The following DCC variants were observed in gnomAD, a reference collection of about 807,000 sequenced individuals.
DCC encodes DCC netrin 1 receptor.
Under a neutral mutation model 172.5 loss-of-function variants are expected in DCC, and 58 were observed. That is an observed-to-expected ratio of 0.34 (90% CI 0.27 to 0.42). DCC has a LOEUF of 0.42. DCC is among the 10% of genes least tolerant of loss of function. The probability of loss-of-function intolerance (pLI) is 1.00; values close to 1 mark genes in which losing one functional copy is unlikely to be tolerated. For synonymous variants in DCC, 709 were observed against 644.5 expected (o/e 1.10, Z -1.52); for missense variants, 1,740 against 1,791.0 (o/e 0.97, Z 0.51).
At chr18:53,314,343 T>C (rs2057319867) in intron 13 of DCC, among the ~76,000 whole-genome samples, 1 of 152,228 alleles carries the variant, frequency 6.6e-6, no homozygotes, top group East Asian at 1.9e-4. Context: ...TTACCGAATT[T>C]AGAATCCAAA....
At chr18:53,279,699 G>C (rs2056847605) in intron 12 of DCC, among the ~76,000 whole-genome samples, 1 of 150,308 alleles carries the variant, frequency 6.7e-6, no homozygotes. Context: ...GCCCATCATT[G>C]GTAAACTGGA....
intron 7 of DCC, among the ~76,000 whole-genome samples, chr18:53,156,636 C>A (rs1338031954): frequency 6.6e-6 from 1 of 152,012 alleles, no homozygotes; most frequent in East Asian, 1.9e-4. Context: ...TAATAACTGC[C>A]CCCAACCTTG....
At chr18:52,779,368 T>C (rs1295513042) in intron 2 of DCC, among the ~76,000 whole-genome samples, 1 of 152,134 alleles carries the variant, frequency 6.6e-6, no homozygotes, top group Non-Finnish European at 1.5e-5. Context: ...TGTGTACTAA[T>C]TGTTCAACTC....
At chr18:53,075,367 C>T (rs1412809414) in intron 7 of DCC, among the ~76,000 whole-genome samples, 2 of 152,066 alleles carry the variant, frequency 1.3e-5, no homozygotes, top group African/African-American at 4.8e-5. Flanking sequence ...CAGCTCAGTG[C>T]TAATCAAGAG....
At chr18:52,518,166 A>G (rs1375356857) in intron 1 of DCC, among the ~76,000 whole-genome samples, 1 of 152,224 alleles carries the variant, frequency 6.6e-6, no homozygotes, top group Non-Finnish European at 1.5e-5. Flanking sequence ...TCTATACAGT[A>G]ATACAAATAA....
intron 2 of DCC, among the ~76,000 whole-genome samples, chr18:52,840,240 T>C (rs140839589): frequency 3.3e-5 from 5 of 152,324 alleles, no homozygotes; most frequent in Admixed American, 6.5e-5. Context: ...CAATCCTATA[T>C]GATTTTGAGT....
intron 17 of DCC, among the ~76,000 whole-genome samples, chr18:53,392,787 A>G (rs1325229367): frequency 6.6e-6 from 1 of 152,186 alleles, no homozygotes; most frequent in Non-Finnish European, 1.5e-5. Context: ...ACTACATATA[A>G]TTTTAGGATG....
At chr18:53,345,795 GT>G (rs1398786249) in intron 15 of DCC, among the ~76,000 whole-genome samples, 1 of 149,004 alleles carries the variant, frequency 6.7e-6, no homozygotes. Context: ...CTTTCAAGTT[GT>G]TGTCTCTCTG....
At chr18:53,132,674 G>A (rs1051257726) in intron 7 of DCC, among the ~76,000 whole-genome samples, 1 of 152,170 alleles carries the variant, frequency 6.6e-6, no homozygotes, top group Non-Finnish European at 1.5e-5. Context: ...GAGCAGGAGA[G>A]AGTGGTGTCA....
chr18:53,283,671 A>C (rs1192771871), intron 12 of DCC, among the ~76,000 whole-genome samples: 1 of 152,212 alleles, frequency 6.6e-6, no homozygotes, highest in Non-Finnish European at 1.5e-5. Context: ...TATAAAAAGG[A>C]AAATTAAAAC....
chr18:53,173,702 A>C (rs985988028), intron 8 of DCC, among the ~76,000 whole-genome samples: 1 of 150,914 alleles, frequency 6.6e-6, no homozygotes, highest in Non-Finnish European at 1.5e-5. Context: ...ACCTACAAAC[A>C]GACTTAGACT....
At chr18:52,415,436 T>A (rs1986988065) in intron 1 of DCC, among the ~76,000 whole-genome samples, 1 of 152,186 alleles carries the variant, frequency 6.6e-6, no homozygotes. Context: ...GACACAATTA[T>A]GGACTAACGG....
chr18:53,109,997 T>G (rs769060428), intron 7 of DCC, among the ~76,000 whole-genome samples: 3 of 151,594 alleles, frequency 2.0e-5, no homozygotes, highest in Non-Finnish European at 4.4e-5. Context: ...CTATTGAAAA[T>G]GATGACGTAT....
At chr18:53,136,751 T>A (rs558364192) in intron 7 of DCC, among the ~76,000 whole-genome samples, 37 of 152,282 alleles carry the variant, frequency 2.4e-4, no homozygotes, top group Non-Finnish European at 2.4e-4. Flanking sequence ...GGGCACAGTT[T>A]GTTGAACAGA....
At chr18:53,260,735 G>C (rs2056586244) in intron 12 of DCC, among the ~76,000 whole-genome samples, 1 of 152,154 alleles carries the variant, frequency 6.6e-6, no homozygotes, top group African/African-American at 2.4e-5. Context: ...AAAGCTGTCA[G>C]ACAGGGACAT....
intron 15 of DCC, among the ~76,000 whole-genome samples, chr18:53,364,013 G>C (rs1289943593): frequency 6.6e-6 from 1 of 152,160 alleles, no homozygotes; most frequent in East Asian, 1.9e-4. Context: ...AAGTTAATTA[G>C]AGTTATTGGA....
chr18:53,029,096 A>G (rs1312494512), intron 5 of DCC, among the ~76,000 whole-genome samples: 1 of 150,922 alleles, frequency 6.6e-6, no homozygotes, highest in Non-Finnish European at 1.5e-5. Flanking sequence ...AAAGAAGTAA[A>G]CTAAAAATTA....
chr18:53,500,158 T>G (rs1188680230), intron 27 of DCC, among the ~76,000 whole-genome samples: 1 of 152,160 alleles, frequency 6.6e-6, no homozygotes, highest in Non-Finnish European at 1.5e-5. Flanking sequence ...ATTGATTTTA[T>G]TACTTCAGCT....
chr18:53,213,044 C>T (rs949961731), intron 11 of DCC, among the ~76,000 whole-genome samples: 1 of 152,076 alleles, frequency 6.6e-6, no homozygotes, highest in African/African-American at 2.4e-5. Flanking sequence ...AAAAAGAACA[C>T]ATATATATCT....
Sources: gnomAD v4.1 joint callset for allele counts (sites outside exome capture counted in the v4.1 genomes callset) on GRCh38, gnomAD v4.1.1 for gene constraint, MANE v1.5 for transcripts, NCBI Gene and HGNC (gene_info 2026-07-23, HGNC 2026-07-21) for gene names.